ERI3: variants seen among roughly 807,000 people sequenced by gnomAD.
ERI3 encodes the protein ERI1 exoribonuclease family member 3, also known as ERI1 exoribonuclease 3.
Under a neutral mutation model 44.4 loss-of-function variants are expected in ERI3, and 18 were observed. That is an observed-to-expected ratio of 0.41 (90% CI 0.28 to 0.60). ERI3 has a LOEUF of 0.60. Among genes scored for constraint, ERI3 ranks in the 20% least tolerant of loss-of-function variants. The pLI, the probability that ERI3 is intolerant of heterozygous loss-of-function variation, is 0.36. For synonymous variants in ERI3, 183 were observed against 164.8 expected (o/e 1.11, Z -0.84); for missense variants, 294 against 435.5 (o/e 0.68, Z 2.89).
chr1:44,277,310 T>G (rs79137618), intron 7 of ERI3, among the ~76,000 whole-genome samples: 1,852 of 152,258 alleles, frequency 0.012, 71 homozygotes, highest in East Asian at 0.069. Context: ...GAGGCCTCCC[T>G]TACTGGCTTC....
chr1:44,286,861 C>CA (rs1224536558), intron 6 of ERI3, among the ~76,000 whole-genome samples: 2 of 152,176 alleles, frequency 1.3e-5, no homozygotes, highest in Non-Finnish European at 2.9e-5. Context: ...TTCCCTTCTC[C>CA]AAGCCACATA....
chr1:44,223,766 T>C (rs1367678676), intron 8 of ERI3, among the ~76,000 whole-genome samples: 1 of 152,216 alleles, frequency 6.6e-6, no homozygotes, highest in African/African-American at 2.4e-5. Context: ...TGCCTGGCCC[T>C]GTGCTGGGAG....
intron 7 of ERI3, among the ~76,000 whole-genome samples, chr1:44,266,237 A>G (rs1644988580): frequency 6.6e-6 from 1 of 152,224 alleles, no homozygotes; most frequent in African/African-American, 2.4e-5. Flanking sequence ...CACTGAGGAC[A>G]TAAGAGGAGT....
chr1:44,352,909 G>A lies in ERI3; in HGVS notation c.152C>T (p.Ala51Val). The change falls in exon 2 of 9, where the codon GCT becomes GTT. Residue 51 changes from alanine (A) to valine (V), a missense_variant. Transcript: ENST00000372257. The part of the protein sequence containing the change: ...GQHPGHWGFP[A>V]LTEPSASPAA... ...TGGGGATGCTGAAGGTTCTGTGAGA[G>A]CTGGAAAGCCCCAATGCTGTGGATA... 2.5e-6 allele frequency: 4 copies of A among 1,614,172 alleles called. No homozygotes were observed. The highest frequency in any genetic ancestry group is 2.5e-6 in the Non-Finnish European group (3 of 1,180,026).
chr1:44,254,815 C>T (rs1267102645), intron 7 of ERI3, among the ~76,000 whole-genome samples: 3 of 151,836 alleles, frequency 2.0e-5, no homozygotes, highest in African/African-American at 4.8e-5. Flanking sequence ...GGAGACACTA[C>T]GCTTCTTGTC....
intron 7 of ERI3, among the ~76,000 whole-genome samples, chr1:44,281,878 A>ATATGTGTG (rs1645295788): frequency 7.9e-6 from 1 of 126,966 alleles, no homozygotes; most frequent in Non-Finnish European, 1.7e-5. Flanking sequence ...ACATGTGCAT[A>ATATGTGTG]TGTGTGTGTG....
At chr1:44,278,013 C>A (rs1645212578) in intron 7 of ERI3, among the ~76,000 whole-genome samples, 1 of 152,102 alleles carries the variant, frequency 6.6e-6, no homozygotes, top group Non-Finnish European at 1.5e-5. Context: ...ATGAAACAGA[C>A]AAAATTATTT....
chr1:44,341,105 CA>C (rs1457374357), intron 2 of ERI3, among the ~76,000 whole-genome samples: 1 of 152,208 alleles, frequency 6.6e-6, no homozygotes, highest in Non-Finnish European at 1.5e-5. Flanking sequence ...GTAGTATATA[CA>C]GTCAGTCAAT....
chr1:44,233,496 C>T (rs910727663), intron 8 of ERI3, among the ~76,000 whole-genome samples: 1 of 151,706 alleles, frequency 6.6e-6, no homozygotes, highest in Admixed American at 6.6e-5. Flanking sequence ...CTCTGCCTCC[C>T]GGGTTCAAGC....
intron 7 of ERI3, among the ~76,000 whole-genome samples, chr1:44,280,545 G>A (rs72686073): frequency 0.059 from 9,024 of 152,146 alleles, 397 homozygotes; most frequent in South Asian, 0.099. Context: ...ACAACGACTC[G>A]GAGAGGGTCA....
intron 7 of ERI3, among the ~76,000 whole-genome samples, chr1:44,267,215 C>T (rs11807069): frequency 0.25 from 37,611 of 152,130 alleles, 4,734 homozygotes; most frequent in Non-Finnish European, 0.26. Flanking sequence ...AAGGTGGAAA[C>T]ATAAGCTACA....
chr1:44,286,692 C>T (rs531617107), intron 6 of ERI3, among the ~76,000 whole-genome samples: 7 of 152,254 alleles, frequency 4.6e-5, no homozygotes, highest in Admixed American at 6.5e-5. Context: ...ATTTTGGACT[C>T]GATTCTTAGA....
chr1:44,281,599 A>ATATATAT (rs1197627804), intron 7 of ERI3, among the ~76,000 whole-genome samples: 19 of 124,308 alleles, frequency 1.5e-4, no homozygotes, highest in Admixed American at 9.5e-4. Context: ...AAAAAAAAAA[A>ATATATAT]AAATATATAT....
intron 6 of ERI3, among the ~76,000 whole-genome samples, chr1:44,289,068 C>T (rs1572196018): frequency 1.3e-5 from 2 of 152,200 alleles, no homozygotes; most frequent in Admixed American, 6.5e-5. Flanking sequence ...ATTATTGTTG[C>T]CCAATGAAAT....
intron 7 of ERI3, among the ~76,000 whole-genome samples, chr1:44,275,656 A>G (rs1040933869): frequency 2.6e-5 from 4 of 152,198 alleles, no homozygotes; most frequent in African/African-American, 9.7e-5. Flanking sequence ...GAGCACCCAG[A>G]AATTGCAGCA....
chr1:44,247,914 C>CG, intron 8 of ERI3, 25 bp downstream of exon 8: 1 of 1,585,576 alleles, frequency 6.3e-7, no homozygotes, highest in Non-Finnish European at 8.6e-7. Flanking sequence ...ATGGAGCTGC[C>CG]GGGGGAATAT....
At chr1:44,261,376 C>T (rs1157797256) in intron 7 of ERI3, among the ~76,000 whole-genome samples, 1 of 152,272 alleles carries the variant, frequency 6.6e-6, no homozygotes, top group African/African-American at 2.4e-5. Context: ...TATCATTACA[C>T]CTCTCAAAAT....
chr1:44,321,059 G>T (rs1646191725), intron 3 of ERI3, among the ~76,000 whole-genome samples: 1 of 152,144 alleles, frequency 6.6e-6, no homozygotes, highest in African/African-American at 2.4e-5. Context: ...ACACCTGACT[G>T]CACTTAGGAA....
chr1:44,297,144 T>C (rs752809617), intron 6 of ERI3, among the ~76,000 whole-genome samples: 1 of 152,112 alleles, frequency 6.6e-6, no homozygotes, highest in Non-Finnish European at 1.5e-5. Context: ...CTGGCTGGCT[T>C]TCTTCCCCAA....
Sources: allele counts gnomAD v4.1 joint callset (sites outside exome capture counted in the v4.1 genomes callset), GRCh38; gene constraint gnomAD v4.1.1; transcripts MANE v1.5; gene names NCBI Gene and HGNC (gene_info 2026-07-23, HGNC 2026-07-21).